DNHD1: variants seen among roughly 807,000 people sequenced by gnomAD.
The protein encoded by DNHD1 is dynein heavy chain domain 1, also known as dynein heavy chain domain-containing protein 1.
In DNHD1, 383 loss-of-function variants were observed where a neutral mutation model predicts 458.1. That is an observed-to-expected ratio of 0.84 (90% CI 0.77 to 0.91). DNHD1 has a LOEUF of 0.91. Ranked by LOEUF, DNHD1 falls within the 40% of genes least tolerant of loss-of-function variation. The probability of loss-of-function intolerance (pLI) is 0.00; values close to 1 mark genes in which losing one functional copy is unlikely to be tolerated. For missense variants in DNHD1, 5,336 were observed against 5,866.1 expected (o/e 0.91, Z 2.95); for synonymous variants, 2,203 against 2,376.9 (o/e 0.93, Z 2.13).
At chr11:6,519,535 G>C in intron 7 of DNHD1, 65 bp from the exon 8 acceptor site, 1 of 1,584,024 alleles carries the variant, frequency 6.3e-7, no homozygotes, top group Non-Finnish European at 8.6e-7. Flanking sequence ...AGTTTGCACA[G>C]ACTAGTGGGT....
chr11:6,521,429 AT>A (rs1852601590), intron 10 of DNHD1, among the ~76,000 whole-genome samples: 1 of 152,214 alleles, frequency 6.6e-6, no homozygotes, highest in African/African-American at 2.4e-5. Flanking sequence ...GAAGCTGAAA[AT>A]ATTCACCTAC....
intron 6 of DNHD1, among the ~76,000 whole-genome samples, 160 bp downstream of exon 6, chr11:6,509,432 A>C (rs977398547): frequency 1.3e-5 from 2 of 152,204 alleles, no homozygotes; most frequent in African/African-American, 4.8e-5. Context: ...ATATCTTTCT[A>C]GTCTTTTTTC....
chr11:6,529,860 G>A (rs1852791598), intron 12 of DNHD1, among the ~76,000 whole-genome samples: 1 of 152,142 alleles, frequency 6.6e-6, no homozygotes, highest in African/African-American at 2.4e-5. Flanking sequence ...GTCTGTCTTT[G>A]CTGACCTGTC....
At chr11:6,542,355 G>A (rs531481933) in intron 18 of DNHD1, among the ~76,000 whole-genome samples, 54 of 152,284 alleles carry the variant, frequency 3.5e-4, no homozygotes, top group African/African-American at 1.2e-3. Context: ...ATAAAAATTC[G>A]TAATACAAAG....
chr11:6,567,536 C>T lies in DNHD1; in HGVS notation c.12027C>T (p.His4009=). The T allele has an allele frequency of 6.2e-7, 1 of 1,613,356 alleles. No homozygotes were observed. Among genetic ancestry groups the T allele is most frequent in the South Asian group, 1.1e-5 (1 of 90,930 alleles). Residue 4009 remains histidine (H), a synonymous_variant, in exon 36 of 43, where the codon CAC becomes CAT. Transcript: ENST00000254579. ...FVGLCASLAG[H]SSAWQAYLSL... Reference sequence around the variant, plus strand: ...GCCTGTGTGCCTCCCTGGCAGGCCACTCCAGTGCTTGGCAGGCTTACCTGT... The same window carrying T: ...GCCTGTGTGCCTCCCTGGCAGGCCATTCCAGTGCTTGGCAGGCTTACCTGT...
rs1448086709 is a variant in DNHD1, at chr11:6,566,989, G to A, written c.11480G>A (p.Cys3827Tyr). 6.8e-6 allele frequency: 11 copies of A among 1,614,014 alleles called. No individual in the cohort carries two copies. Among genetic ancestry groups the A allele is most frequent in the Non-Finnish European group, 6.8e-6 (8 of 1,179,878 alleles). Residue 3827 changes from cysteine (C) to tyrosine (Y), a missense_variant, in exon 36 of 43, where the codon TGC becomes TAC. Physicochemically the swap from Cys to Tyr is radical, Grantham distance 194. This residue lies in a region of DNHD1 where 695 missense variants were observed against 804.2 expected (regional missense o/e 0.86). Coordinates refer to ENST00000254579, the MANE Select transcript of DNHD1 (RefSeq NM_144666.3). The stretch of plus-strand genomic sequence containing the variant: ...ATAGTGAGGGCCCAAGGAAAGCTAT[G>A]CCAGCTGCGTGCTCATTGTGAAGAG... ...RNIVRAQGKL[C>Y]QLRAHCEELE...
chr11:6,567,233 G>A lies in DNHD1; in HGVS notation c.11724G>A (p.Leu3908=). ...GGGAGGACCTGGCCAGCCATCTACT[G>A]CAATTGAGAGCACACCTGACCCGCC... ...NHGEDLASHL[L]QLRAHLTRQL... is the part of the protein sequence containing the mutation. Residue 3908 remains leucine, a synonymous_variant, in exon 36 of 43, where the codon CTG becomes CTA. Coordinates refer to ENST00000254579, the MANE Select transcript of DNHD1 (RefSeq NM_144666.3). 1 of 1,613,988 alleles carries A rather than the reference G, an allele frequency of 6.2e-7. No homozygotes were observed. The highest frequency in any genetic ancestry group is 8.5e-7 in the Non-Finnish European group (1 of 1,179,902).
intron 7 of DNHD1, among the ~76,000 whole-genome samples, chr11:6,514,470 C>CTCCTT (rs370594180): frequency 4.6e-4 from 69 of 150,362 alleles, no homozygotes; most frequent in South Asian, 1.1e-3. Context: ...TCTCCTCTCC[C>CTCCTT]TCCTTTCCTT....
intron 10 of DNHD1, among the ~76,000 whole-genome samples, chr11:6,524,985 C>T (rs1356524621): frequency 1.3e-5 from 2 of 152,166 alleles, no homozygotes; most frequent in African/African-American, 2.4e-5. Context: ...TCACTCTTTC[C>T]TGCTTTTAGC....
intron 24 of DNHD1, among the ~76,000 whole-genome samples, chr11:6,554,950 G>T (rs1032854261): frequency 7.9e-5 from 12 of 152,110 alleles, no homozygotes; most frequent in African/African-American, 2.9e-4. Context: ...TAGTATACAT[G>T]AACATTCATA....
chr11:6,546,586 G>C lies in DNHD1; in HGVS notation c.5647G>C (p.Asp1883His). Residue 1883 changes from aspartate to histidine, a missense_variant, in exon 21 of 43, where the codon GAC becomes CAC. By Grantham distance (81) the Asp-to-His change is moderately conservative. Around this residue, in one of 4 missense-constraint regions of DNHD1, gnomAD observed 3,932 missense variants for 4,365.6 expected, o/e 0.90. Transcript: ENST00000254579. The stretch of plus-strand genomic sequence containing the variant: ...GCCACTGCTCAAGCAGATACTGGAA[G>C]ACACAATACGGACACTAAATGTGAC... Reference protein sequence around the residue: ...RLPLLKQILEDTIRTLNVTKE... With the variant: ...RLPLLKQILEHTIRTLNVTKE... 6.4e-7 allele frequency: 1 copy of C among 1,551,838 alleles called. No individual in the cohort carries two copies.
chr11:6,538,261 C>G lies in DNHD1; in HGVS notation c.2999-122C>G, dbSNP rs574462559. 9 of 757,788 alleles carry G rather than the reference C, an allele frequency of 1.2e-5. No homozygotes were observed. In the African/African-American group the frequency reaches 1.2e-4, roughly 10 times the overall value. 46.9% of individuals were successfully genotyped at this position (757,788 alleles called of 1,614,324 possible). On this transcript the variant is annotated intron_variant, in intron 14 of 42. Transcript: ENST00000254579. ...AAACAATTTGGAACTCCACCTCCCC[C>G]ACCCCCAACCATCACTTTCTGGACC...
In DNHD1 at chr11:6,558,895, A is replaced by G. The variant is rs1482906768; in HGVS notation, c.9212-7A>G. On this transcript the variant is annotated splice_polypyrimidine_tract_variant and splice_region_variant and intron_variant, in intron 26 of 42. Transcript: ENST00000254579. ...ACAGAGTGAGGCTAAAGCCATGCCC[A>G]TTGCAGGCTCCTGGAAGTACCCAGA... The G allele has an allele frequency of 4.5e-6, 7 of 1,551,394 alleles. No individual in the cohort carries two copies. Among genetic ancestry groups the G allele is most frequent in the Non-Finnish European group, 6.1e-6 (7 of 1,146,934 alleles).
intron 30 of DNHD1, 55 bp from the exon 31 acceptor site, chr11:6,563,638 G>T: frequency 6.5e-7 from 1 of 1,545,336 alleles, no homozygotes; most frequent in Non-Finnish European, 8.7e-7. Context: ...AAACTGTTGG[G>T]TCAAGGTCCA....
At chr11:6,534,288 C>T in intron 14 of DNHD1, 115 bp downstream of exon 14, 1 of 1,011,648 alleles carries the variant, frequency 9.9e-7, no homozygotes. Context: ...CCTTGGGAAT[C>T]ACACACCTTC....
In DNHD1 at chr11:6,568,195, C is replaced by G; in HGVS notation, c.12491C>G (p.Pro4164Arg). 6.4e-7 allele frequency: 1 copy of G among 1,552,344 alleles called. No individual in the cohort carries two copies. The highest frequency in any genetic ancestry group is 8.7e-7 in the Non-Finnish European group (1 of 1,147,292). ...LDNCHLMPHW[P>R]KELLQLLLEL... is the part of the protein sequence containing the mutation. ...AACTGTCATCTGATGCCCCATTGGC[C>G]GAAAGAGCTGCTACAGCTCTTGCTG... Residue 4164 changes from proline (P) to arginine (R), a missense_variant, in exon 37 of 43, where the codon CCG (proline) becomes CGG (arginine). Around this residue, in one of 4 missense-constraint regions of DNHD1, gnomAD observed 695 missense variants for 804.2 expected, o/e 0.86. Coordinates refer to ENST00000254579, the MANE Select transcript of DNHD1 (RefSeq NM_144666.3).
intron 24 of DNHD1, among the ~76,000 whole-genome samples, chr11:6,550,679 G>A (rs954539968): frequency 3.0e-4 from 45 of 152,116 alleles, no homozygotes; most frequent in African/African-American, 1.1e-3. Context: ...AGTTTTTAAT[G>A]CAAAATATTT....
chr11:6,547,528 G>A lies in DNHD1; in HGVS notation c.6589G>A (p.Gly2197Ser), dbSNP rs1395131906. 1 of 1,551,344 alleles carries A rather than the reference G, an allele frequency of 6.4e-7. No individual in the cohort carries two copies. The highest frequency in any genetic ancestry group is 1.2e-5 in the South Asian group (1 of 84,050). ...PATLRFLTCQ[G>S]VSSLLQVHGQ... ...AACATTGCGATTCCTCACCTGCCAA[G>A]GTGTCAGCTCTCTGCTGCAGGTACA... is the stretch of plus-strand genomic sequence containing the variant. The change falls in exon 21 of 43, where the codon GGT becomes AGT. Residue 2197 changes from glycine (G) to serine (S), a missense_variant. Gly to Ser is a moderately conservative substitution (Grantham distance 56). Transcript: ENST00000254579.
chr11:6,539,255 T>C lies in DNHD1; in HGVS notation c.3362T>C (p.Leu1121Pro), dbSNP rs529587242. ...GLGSLQTIEL[L>P]TLGQLLTYPL... ...GGCAGTCTCCAAACTATAGAACTCCTAACGCTGGGCCAGCTGCTTACTTAT... is the reference window on the plus strand; with the variant it reads ...GGCAGTCTCCAAACTATAGAACTCCCAACGCTGGGCCAGCTGCTTACTTAT... Residue 1121 changes from leucine to proline, a missense_variant, in exon 17 of 43, where the codon CTA becomes CCA. Physicochemically the swap from Leu to Pro is moderately conservative, Grantham distance 98 (BLOSUM62 -3). Transcript: ENST00000254579. 254 of 1,551,668 alleles carry C rather than the reference T, an allele frequency of 1.6e-4. 6 individuals are homozygous for C. In the South Asian group the frequency reaches 2.9e-3, roughly 18 times the overall value.
Sources: allele counts gnomAD v4.1 joint callset (sites outside exome capture counted in the v4.1 genomes callset), GRCh38; gene constraint gnomAD v4.1.1; regional missense constraint gnomAD v4.1.1; transcripts MANE v1.5; gene names NCBI Gene and HGNC (gene_info 2026-07-23, HGNC 2026-07-21).